ABCB7: variants seen among roughly 807,000 people sequenced by gnomAD.
ABCB7 encodes the protein iron-sulfur clusters transporter ABCB7, mitochondrial.
Under a neutral mutation model 54.4 loss-of-function variants are expected in ABCB7, and 7 were observed. The ratio of observed to expected loss-of-function variants is 0.13; its 90% CI spans 0.07 to 0.24. The LOEUF (loss-of-function observed/expected upper bound fraction) is 0.24, where lower values mean the gene tolerates loss of function less well. Ranked by LOEUF, ABCB7 falls within the 10% of genes least tolerant of loss-of-function variation. The pLI, the probability that ABCB7 is intolerant of heterozygous loss-of-function variation, is 1.00. For missense variants in ABCB7, 356 were observed against 570.4 expected, an observed-to-expected ratio of 0.62 and a Z score of 3.83; for synonymous variants, 218 against 207.1, an observed-to-expected ratio of 1.05 and a Z score of -0.45.
intron 3 of ABCB7, among the ~76,000 whole-genome samples, chrX:75,108,145 G>C (rs1248258998): frequency 9.0e-6 from 1 of 111,267 alleles, no homozygotes; most frequent in Non-Finnish European, 1.9e-5. Flanking sequence ...GGGAAGGACT[G>C]CATCCTGTGG....
chrX:75,125,007 G>C (rs769133981), intron 1 of ABCB7, among the ~76,000 whole-genome samples: 2 of 111,787 alleles, frequency 1.8e-5, no homozygotes, highest in East Asian at 5.6e-4. Flanking sequence ...CTTAACTTTC[G>C]ATTCCATAGC....
At chrX:75,141,949 C>T (rs1456670243) in intron 1 of ABCB7, among the ~76,000 whole-genome samples, 2 of 111,546 alleles carry the variant, frequency 1.8e-5, no homozygotes, top group Admixed American at 1.9e-4. Context: ...AACAGAGCAA[C>T]AAAATATATA....
At chrX:75,144,682 AT>A (rs747653263) in intron 1 of ABCB7, among the ~76,000 whole-genome samples, 143 of 107,779 alleles carry the variant, frequency 1.3e-3, no homozygotes, top group Non-Finnish European at 2.4e-3. Flanking sequence ...TGTTTTTGTA[AT>A]TTTTTTTAAT....
At chrX:75,151,537 T>C (rs2082132071) in intron 1 of ABCB7, among the ~76,000 whole-genome samples, 1 of 111,702 alleles carries the variant, frequency 9.0e-6, no homozygotes, top group South Asian at 3.7e-4. Flanking sequence ...ACAATACAAA[T>C]TTGTCCCATT....
chrX:75,094,050 A>ATATATATATATATATATC (rs1314153062), intron 4 of ABCB7, among the ~76,000 whole-genome samples: 1 of 20,491 alleles, frequency 4.9e-5, no homozygotes, highest in African/African-American at 7.0e-5. Context: ...ATATATATAT[A>ATATATATATATATATATC]TATCTATCTT....
Position 75,051,679 on chromosome X carries a change from A to C in ABCB7, c.*1691T>G, listed in dbSNP as rs2081197058. ...TGTCAGGCTTAAAGAAACTAATTAA[A>C]TTACTGAAAAGTAAGGGAAGATCTT... is the stretch of plus-strand genomic sequence containing the variant. On this transcript the variant is annotated 3_prime_UTR_variant, in exon 16 of 16. Transcript: ENST00000373394. 1 of 112,455 alleles carries C rather than the reference A, an allele frequency of 8.9e-6. No individual in the cohort carries two copies. The highest frequency in any genetic ancestry group is 9.4e-5 in the Admixed American group (1 of 10,645). 9.3% of individuals were successfully genotyped at this position (112,455 alleles called of 1,213,427 possible). A position where few individuals can be genotyped will look rare whatever the true frequency, so the allele number is the denominator to read the frequency against.
chrX:75,147,918 C>A (rs1369859994), intron 1 of ABCB7, among the ~76,000 whole-genome samples: 1 of 111,711 alleles, frequency 9.0e-6, no homozygotes, highest in Non-Finnish European at 1.9e-5. Context: ...GAGTTCGAGA[C>A]TAGCCTGGCC....
intron 1 of ABCB7, among the ~76,000 whole-genome samples, chrX:75,125,007 G>A (rs769133981): frequency 8.9e-6 from 1 of 111,734 alleles, no homozygotes; most frequent in Non-Finnish European, 1.9e-5. Context: ...CTTAACTTTC[G>A]ATTCCATAGC....
chrX:75,115,035 T>C (rs937475774), intron 1 of ABCB7, among the ~76,000 whole-genome samples: 32 of 110,436 alleles, frequency 2.9e-4, no homozygotes, highest in South Asian at 1.2e-3. Context: ...TTTGGGAGGC[T>C]AAGGCGGGCG....
chrX:75,095,368 G>T (rs2081581817), intron 4 of ABCB7, among the ~76,000 whole-genome samples: 1 of 111,992 alleles, frequency 8.9e-6, no homozygotes, highest in Non-Finnish European at 1.9e-5. Context: ...ATATATTCAG[G>T]TTTGATGAAA....
At chrX:75,088,247 A>T (rs769458971) in intron 4 of ABCB7, among the ~76,000 whole-genome samples, 2 of 112,569 alleles carry the variant, frequency 1.8e-5, no homozygotes, top group East Asian at 5.6e-4. Context: ...CATATTTATC[A>T]TCTAATGCAT....
At chrX:75,070,920 T>A (rs1197350107) in intron 9 of ABCB7, among the ~76,000 whole-genome samples, 4 of 108,195 alleles carry the variant, frequency 3.7e-5, no homozygotes, top group African/African-American at 6.7e-5. Context: ...CATTCTGATG[T>A]ACATCAAGTT....
At chrX:75,094,260 A>G (rs1381953687) in intron 4 of ABCB7, among the ~76,000 whole-genome samples, 3 of 109,838 alleles carry the variant, frequency 2.7e-5, no homozygotes, top group Non-Finnish European at 5.7e-5. Context: ...CTGTCGACTA[A>G]GTGGTTTCCA....
chrX:75,150,987 T>C (rs1261507057), intron 1 of ABCB7, among the ~76,000 whole-genome samples: 1 of 111,088 alleles, frequency 9.0e-6, no homozygotes, highest in Admixed American at 9.6e-5. Flanking sequence ...GCCAGCAATA[T>C]TGTATTAATC....
chrX:75,061,008 G>C (rs1416134675), intron 14 of ABCB7, among the ~76,000 whole-genome samples: 2 of 111,498 alleles, frequency 1.8e-5, no homozygotes. Context: ...GGGGGATGGG[G>C]ATATACCCAA....
At chrX:75,144,480 C>T (rs2082077270) in intron 1 of ABCB7, among the ~76,000 whole-genome samples, 1 of 110,913 alleles carries the variant, frequency 9.0e-6, no homozygotes, top group African/African-American at 3.3e-5. Flanking sequence ...TTTTCTAATC[C>T]TGGTGAAAAC....
chrX:75,126,995 A>G (rs2081936895), intron 1 of ABCB7, among the ~76,000 whole-genome samples: 1 of 111,762 alleles, frequency 8.9e-6, no homozygotes, highest in South Asian at 3.8e-4. Flanking sequence ...AGGAACTGGT[A>G]CCACTGCTTC....
At chrX:75,117,047 C>T (rs774602250) in intron 1 of ABCB7, among the ~76,000 whole-genome samples, 204 of 111,056 alleles carry the variant, frequency 1.8e-3, no homozygotes, top group Middle Eastern at 9.1e-3. Flanking sequence ...AAGAAATAAC[C>T]ATAAAAATCT....
chrX:75,130,094 C>A (rs759140523), intron 1 of ABCB7, among the ~76,000 whole-genome samples: 1 of 111,747 alleles, frequency 8.9e-6, no homozygotes, highest in East Asian at 2.8e-4. Flanking sequence ...TTAGCAATGT[C>A]ACTGAATCTA....
Sources: gnomAD v4.1 joint callset for allele counts (sites outside exome capture counted in the v4.1 genomes callset) on GRCh38, gnomAD v4.1.1 for gene constraint, MANE v1.5 for transcripts, NCBI Gene and HGNC (gene_info 2026-07-23, HGNC 2026-07-21) for gene names.